Variants in IQSEC2 observed in about 807,000 individuals in gnomAD.
IQSEC2 encodes IQ motif and Sec7 domain ArfGEF 2, also known as IQ motif and SEC7 domain-containing protein 2.
Under a neutral mutation model 74.6 loss-of-function variants are expected in IQSEC2, and 6 were observed. The ratio of observed to expected loss-of-function variants is 0.08; its 90% CI spans 0.04 to 0.16. The LOEUF is 0.16. Among genes scored for constraint, IQSEC2 ranks in the 10% least tolerant of loss-of-function variants. The pLI is 1.00. For missense variants in IQSEC2, 734 were observed against 1,306.2 expected (o/e 0.56, Z 6.75); for synonymous variants, 494 against 544.5 (o/e 0.91, Z 1.29).
chrX:53,276,316 G>A (rs2074833153), intron 2 of IQSEC2, among the ~76,000 whole-genome samples: 1 of 111,763 alleles, frequency 8.9e-6, no homozygotes, highest in Admixed American at 9.5e-5. Context: ...TTTTTCTATT[G>A]TGAATGGGAT....
rs1182135815 is a variant in IQSEC2 at position 53,281,483 on chromosome X, C to A, written c.737+10412G>T. The A allele has an allele frequency of 2.9e-6, 3 of 1,048,697 alleles. No homozygotes were observed. The East Asian group carries it at 1.0e-4, about 35-fold the overall frequency. The allele number at this position is 1,048,697 out of a possible 1,213,427, so 86.4% of individuals were successfully genotyped here. ...GAAGGGAGGGGGCCAGGCTGCGGGGCCCAGGTTCCTACCTGCTGCTCCTCC... is the reference window on the plus strand; with the variant it reads ...GAAGGGAGGGGGCCAGGCTGCGGGGACCAGGTTCCTACCTGCTGCTCCTCC... On this transcript the variant is annotated intron_variant, in intron 2 of 14. Coordinates refer to ENST00000642864, the MANE Select transcript of IQSEC2 (RefSeq NM_001111125.3).
chrX:53,239,416 C>T, intron 10 of IQSEC2, 122 bp from the exon 11 acceptor site: 1 of 467,208 alleles, frequency 2.1e-6, no homozygotes, highest in Non-Finnish European at 3.8e-6. Context: ...CACACAAACA[C>T]ACATGCCCAC....
chrX:53,271,874 T>C lies in IQSEC2; in HGVS notation c.738-15813A>G, dbSNP rs143985251. 1.7e-4 allele frequency among the ~76,000 whole-genome samples: 19 copies of C among 111,787 alleles called. No individual in the cohort carries two copies. In the East Asian group the frequency reaches 5.3e-3, roughly 31 times the overall value. On this transcript the variant is annotated intron_variant, in intron 2 of 14. Transcript: ENST00000642864. ...AGGGGAATGCAAACCCCTTTACCAA[T>C]TTAATGAAAGCCATGGACCATCTCT...
intron 2 of IQSEC2, chrX:53,279,222 A>C: frequency 4.7e-6 from 1 of 214,539 alleles, no homozygotes; most frequent in Non-Finnish European, 8.5e-6. Flanking sequence ...AGATATGGGC[A>C]GATTGTTCCC....
rs1251943733 is a variant in IQSEC2 at position 53,242,028 on chromosome X, C to A, written c.2890-119G>T. On this transcript the variant is annotated intron_variant, in intron 9 of 14. Coordinates refer to ENST00000642864, the MANE Select transcript of IQSEC2 (RefSeq NM_001111125.3). ...CTCATACATGTGTGTCACTCTGACA[C>A]AAGGGGTATCAGCAACTAAGACCTA... 6 of 881,794 alleles carry A rather than the reference C, an allele frequency of 6.8e-6. No individual in the cohort carries two copies. In the Admixed American group the frequency reaches 1.0e-4, roughly 15 times the overall value. 72.7% of individuals were successfully genotyped at this position (881,794 alleles called of 1,213,427 possible). A position where few individuals can be genotyped will look rare whatever the true frequency, so the allele number is the denominator to read the frequency against.
intron 2 of IQSEC2, among the ~76,000 whole-genome samples, chrX:53,291,493 G>A (rs1215075853): frequency 9.0e-6 from 1 of 111,312 alleles, no homozygotes; most frequent in Non-Finnish European, 1.9e-5. Context: ...ACTCAGGGCT[G>A]GCACAGATTC....
intron 2 of IQSEC2, among the ~76,000 whole-genome samples, chrX:53,280,084 T>C (rs925923398): frequency 1.9e-5 from 2 of 105,229 alleles, no homozygotes; most frequent in Admixed American, 2.0e-4. Context: ...GTGTTCCAGG[T>C]GACTCCGTGG....
In IQSEC2 at chrX:53,320,404, A is replaced by C; in HGVS notation, c.707+13T>G. On this transcript the variant is annotated intron_variant, in intron 1 of 14. Coordinates refer to ENST00000642864, the MANE Select transcript of IQSEC2 (RefSeq NM_001111125.3). ...AGAGGGAAGAGCCGGGGGTACAAAC[A>C]CACATTCCTTACTTTCTCTGGAGGG... 1 of 1,152,052 alleles carries C rather than the reference A, an allele frequency of 8.7e-7. No individual in the cohort carries two copies. The highest frequency in any genetic ancestry group is 1.2e-6 in the Non-Finnish European group (1 of 859,861). The allele number at this position is 1,152,052 out of a possible 1,213,427, so 94.9% of individuals were successfully genotyped here. A position where few individuals can be genotyped will look rare whatever the true frequency, so the allele number is the denominator to read the frequency against.
At chrX:53,266,576 G>T in intron 2 of IQSEC2, 1 of 766,108 alleles carries the variant, frequency 1.3e-6, no homozygotes. Context: ...CTCTGTTTGT[G>T]CTCACAGAGG....
At chrX:53,267,186 G>A (rs1187572587) in intron 2 of IQSEC2, 33 of 1,004,252 alleles carry the variant, frequency 3.3e-5, no homozygotes, top group Non-Finnish European at 3.8e-5. Context: ...AAGGTGGGAC[G>A]AGAATGGGGG....
chrX:53,255,991 G>T lies in IQSEC2; in HGVS notation c.808C>A (p.Arg270=). 8.4e-7 allele frequency: 1 copy of T among 1,188,358 alleles called. No individual in the cohort carries two copies. The highest frequency in any genetic ancestry group is 1.1e-6 in the Non-Finnish European group (1 of 881,705). The change falls in exon 3 of 15, where the codon CGG becomes AGG. Residue 270 remains arginine, a synonymous_variant. Coordinates refer to ENST00000642864, the MANE Select transcript of IQSEC2 (RefSeq NM_001111125.3). ...CTGGAGGGGGGCAGCTGGCTCAGCC[G>T]GTAGGGGGGTTGGCTCCCAGGACTA... ...VDSPGSQPPY[R]LSQLPPSSSH...
Position 53,255,886 on chromosome X carries a change from G to A in IQSEC2, c.913C>T (p.Leu305=). Residue 305 remains leucine, a synonymous_variant, in exon 3 of 15, where the codon CTG becomes TTG. Coordinates refer to ENST00000642864, the MANE Select transcript of IQSEC2 (RefSeq NM_001111125.3). ...RARLQPASVA[L]RKQEEEEIKR... is the part of the protein sequence containing the mutation. ...ATCTCCTCCTCCTCCTGCTTCCTCAGGGCGACACTGGCTGGCTGGAGGCGT... is the reference window on the plus strand; with the variant it reads ...ATCTCCTCCTCCTCCTGCTTCCTCAAGGCGACACTGGCTGGCTGGAGGCGT... 8.3e-7 allele frequency: 1 copy of A among 1,210,846 alleles called. No individual in the cohort carries two copies. Among genetic ancestry groups the A allele is most frequent in the Non-Finnish European group, 1.1e-6 (1 of 894,992 alleles).
chrX:53,316,766 T>C (rs2075378170), intron 1 of IQSEC2, among the ~76,000 whole-genome samples: 1 of 107,819 alleles, frequency 9.3e-6, no homozygotes, highest in Non-Finnish European at 1.9e-5. Flanking sequence ...GTAAGCTATG[T>C]TCGCAACACT....
Position 53,320,444 on chromosome X carries a change from G to T in IQSEC2, c.680C>A (p.Thr227Asn). 1 of 1,166,613 alleles carries T rather than the reference G, an allele frequency of 8.6e-7. No homozygotes were observed. The highest frequency in any genetic ancestry group is 1.1e-6 in the Non-Finnish European group (1 of 872,281). ...TCTCTGGAGGGTCGTGGCCGGGCTG[G>T]TGCTGGTACTGGTGCTGTGGCCTCC... Reference protein sequence around the residue: ...AGGGHSTSTSTSPATTLQRKS... With the variant: ...AGGGHSTSTSNSPATTLQRKS... Residue 227 changes from threonine (T) to asparagine (N), a missense_variant, in exon 1 of 15, where the codon ACC becomes AAC. Around this residue, in one of 12 missense-constraint regions of IQSEC2, gnomAD observed 134 missense variants for 214.9 expected, o/e 0.62. Transcript: ENST00000642864.
chrX:53,320,607 G>A lies in IQSEC2; in HGVS notation c.517C>T (p.Arg173Trp). 1 of 1,150,300 alleles carries A rather than the reference G, an allele frequency of 8.7e-7. No homozygotes were observed. Among genetic ancestry groups the A allele is most frequent in the East Asian group, 3.5e-5 (1 of 28,808 alleles). 94.8% of individuals were successfully genotyped at this position (1,150,300 alleles called of 1,213,427 possible). Residue 173 changes from arginine (R) to tryptophan (W), a missense_variant, in exon 1 of 15, where the codon CGG (arginine) becomes TGG (tryptophan). This residue lies in a region of IQSEC2 where 134 missense variants were observed against 214.9 expected (regional missense o/e 0.62). Coordinates refer to ENST00000642864, the MANE Select transcript of IQSEC2 (RefSeq NM_001111125.3). ...CCCGGGTGCGCCGGCCCGGCCTCCCGCCCGCCACGCTCGCGACCCAGGGCT... is the reference window on the plus strand; with the variant it reads ...CCCGGGTGCGCCGGCCCGGCCTCCCACCCGCCACGCTCGCGACCCAGGGCT... ...NPALGRERGG[R>W]EAGPAHPGRE...
Position 53,234,786 on chromosome X carries a change from C to T in IQSEC2, c.3900G>A (p.Leu1300=). Residue 1300 remains leucine (L), a synonymous_variant, in exon 15 of 15, where the codon TTG becomes TTA. Transcript: ENST00000642864. ...LPPPPQQPPP[L]PQLGSIPPPP... ...GCGGTGGAATGGAGCCCAGCTGGGG[C>T]AAGGGTGGGGGCTGCTGGGGAGGTG... 1 of 810,591 alleles carries T rather than the reference C, an allele frequency of 1.2e-6. No homozygotes were observed. Among genetic ancestry groups the T allele is most frequent in the Non-Finnish European group, 1.6e-6 (1 of 622,597 alleles). The allele number at this position is 810,591 out of a possible 1,213,427, so 66.8% of individuals were successfully genotyped here. A position where few individuals can be genotyped will look rare whatever the true frequency, so the allele number is the denominator to read the frequency against.
At chrX:53,314,133 C>T (rs1228218464) in intron 1 of IQSEC2, among the ~76,000 whole-genome samples, 1 of 112,047 alleles carries the variant, frequency 8.9e-6, no homozygotes, top group African/African-American at 3.2e-5. Flanking sequence ...CTGGGAGCTA[C>T]TGTGCCTACC....
At chrX:53,304,560 T>C (rs2075242038) in intron 1 of IQSEC2, among the ~76,000 whole-genome samples, 1 of 112,486 alleles carries the variant, frequency 8.9e-6, no homozygotes. Flanking sequence ...AATGAAATAT[T>C]TGTCTATCAC....
intron 2 of IQSEC2, chrX:53,281,564 GTGTCT>G (rs1423532303): frequency 5.3e-5 from 61 of 1,142,752 alleles, no homozygotes; most frequent in Non-Finnish European, 6.7e-5. Flanking sequence ...GGCCTAGCCG[GTGTCT>G]CCACCGTGTC....
Sources: allele counts gnomAD v4.1 joint callset (sites outside exome capture counted in the v4.1 genomes callset), GRCh38; gene constraint gnomAD v4.1.1; regional missense constraint gnomAD v4.1.1; transcripts MANE v1.5; gene names NCBI Gene and HGNC (gene_info 2026-07-23, HGNC 2026-07-21).